Variants in VWA8 observed in about 807,000 individuals in gnomAD.
The protein encoded by VWA8 is von Willebrand factor A domain-containing protein 8.
VWA8 carries 221 observed loss-of-function variants against 241.5 expected under a neutral mutation model. That is an observed-to-expected ratio of 0.91 (90% CI 0.82 to 1.02). The LOEUF (loss-of-function observed/expected upper bound fraction) is 1.02, where lower values mean the gene tolerates loss of function less well. VWA8 is among the 50% of genes least tolerant of loss of function. The probability of loss-of-function intolerance (pLI) is 0.00; values close to 1 mark genes in which losing one functional copy is unlikely to be tolerated. For missense variants in VWA8, 2,322 were observed against 2,328.7 expected (o/e 1.00, Z 0.06); for synonymous variants, 852 against 827.1 (o/e 1.03, Z -0.52).
chr13:41,727,563 A>G (rs183091853), intron 23 of VWA8, among the ~76,000 whole-genome samples: 2 of 152,010 alleles, frequency 1.3e-5, no homozygotes, highest in African/African-American at 2.4e-5. Flanking sequence ...GAGTACATCT[A>G]AAAAAAAGCA....
chr13:41,759,510 C>G (rs2045724496), intron 21 of VWA8, among the ~76,000 whole-genome samples: 1 of 151,376 alleles, frequency 6.6e-6, no homozygotes, highest in Non-Finnish European at 1.5e-5. Flanking sequence ...AAATATTTTT[C>G]TGTCCCATTT....
At chr13:41,886,062 T>C (rs1351151781) in intron 7 of VWA8, 34 bp from the exon 8 acceptor site, 1 of 1,390,736 alleles carries the variant, frequency 7.2e-7, no homozygotes, top group East Asian at 2.5e-5. Flanking sequence ...TTTAATAGTT[T>C]TAAAATATAA....
At position 41,783,847 on chromosome 13, in the gene VWA8, T is replaced by G; in HGVS notation, c.2225A>C (p.Asn742Thr). 1 of 1,613,800 alleles carries G rather than the reference T, an allele frequency of 6.2e-7. No individual in the cohort carries two copies. Among genetic ancestry groups the G allele is most frequent in the Non-Finnish European group, 8.5e-7 (1 of 1,179,936 alleles). ...RIGAVSAPIYNAHEKMKVPDV... is the reference protein window; with the variant it reads ...RIGAVSAPIYTAHEKMKVPDV... ...AGGCACTTTCATTTTCTCATGTGCATTATAGATCGGTGCACTAACAGCACC... is the reference window on the plus strand; with the variant it reads ...AGGCACTTTCATTTTCTCATGTGCAGTATAGATCGGTGCACTAACAGCACC... Residue 742 changes from asparagine to threonine, a missense_variant, in exon 19 of 45, where the codon AAT becomes ACT. Coordinates refer to ENST00000379310, the MANE Select transcript of VWA8 (RefSeq NM_015058.2).
chr13:41,649,729 T>C (rs1201993517), intron 37 of VWA8, among the ~76,000 whole-genome samples: 1 of 152,156 alleles, frequency 6.6e-6, no homozygotes, highest in Non-Finnish European at 1.5e-5. Context: ...TATCTGGTAA[T>C]GGTGAAACAG....
At chr13:41,642,976 T>C (rs573878950) in intron 37 of VWA8, among the ~76,000 whole-genome samples, 2 of 152,150 alleles carry the variant, frequency 1.3e-5, no homozygotes, top group Non-Finnish European at 2.9e-5. Context: ...AAGTAACAGA[T>C]AAATTTTCTG....
rs368043801 is a variant in VWA8, at chr13:41,719,631, G to A, written c.3076C>T (p.Pro1026Ser). Residue 1026 changes from proline (P) to serine (S), a missense_variant, in exon 26 of 45, where the codon CCT (proline) becomes TCT (serine). Coordinates refer to ENST00000379310, the MANE Select transcript of VWA8 (RefSeq NM_015058.2). ...ACACTGGTAGGCTTTGCTCCGATAG[G>A]TATCCCGTATTTGTGTAAAGTGTTA... Reference protein sequence around the residue: ...LINTLHKYGIPIGAKPTSVQL... With the variant: ...LINTLHKYGISIGAKPTSVQL... 8.1e-6 allele frequency: 13 copies of A among 1,613,028 alleles called. No individual in the cohort carries two copies. In the Middle Eastern group the frequency reaches 1.3e-3, roughly 164 times the overall value.
intron 12 of VWA8, among the ~76,000 whole-genome samples, chr13:41,841,526 C>T (rs1443072679): frequency 2.0e-5 from 3 of 151,864 alleles, no homozygotes; most frequent in African/African-American, 7.2e-5. Flanking sequence ...GTGGCTCACG[C>T]CTGTAATCCC....
intron 21 of VWA8, among the ~76,000 whole-genome samples, chr13:41,753,840 A>G (rs572099786): frequency 6.6e-6 from 1 of 152,074 alleles, no homozygotes; most frequent in Non-Finnish European, 1.5e-5. Context: ...GGAATCTAAA[A>G]TAAACAAAGT....
intron 39 of VWA8, 70 bp from the exon 40 acceptor site, chr13:41,605,346 C>T (rs1452052742): frequency 4.1e-6 from 6 of 1,472,412 alleles, no homozygotes; most frequent in Non-Finnish European, 5.6e-6. Context: ...TTCCATTCGC[C>T]TCCTGCTGGA....
chr13:41,872,932 C>G (rs1274062504), intron 9 of VWA8, among the ~76,000 whole-genome samples: 1 of 152,040 alleles, frequency 6.6e-6, no homozygotes, highest in Non-Finnish European at 1.5e-5. Flanking sequence ...ATTCTTCCTA[C>G]CCATGAGCAT....
At chr13:41,579,999 G>A (rs545767787) in intron 42 of VWA8, among the ~76,000 whole-genome samples, 3 of 151,556 alleles carry the variant, frequency 2.0e-5, no homozygotes, top group South Asian at 2.1e-4. Flanking sequence ...GGCATGCGCC[G>A]CCACACCTGG....
rs571920760 is a variant in VWA8, at chr13:41,692,915, G to A, written c.3622C>T (p.Pro1208Ser). ...TGRALHRLIL[P>S]SEKFTSKKPF... ...TTCTTAGATGTAAACTTCTCGGAAG[G>A]GAGGATGAGACGATGAAGGGCCCGG... The change falls in exon 30 of 45, where the codon CCT becomes TCT. Residue 1208 changes from proline (P) to serine (S), a missense_variant. Pro to Ser is a moderately conservative substitution (Grantham distance 74). Coordinates refer to ENST00000379310, the MANE Select transcript of VWA8 (RefSeq NM_015058.2). 6 of 1,611,468 alleles carry A rather than the reference G, an allele frequency of 3.7e-6. No individual in the cohort carries two copies. Among genetic ancestry groups the A allele is most frequent in the South Asian group, 3.3e-5 (3 of 90,944 alleles).
At chr13:41,851,141 C>T (rs962869052) in intron 12 of VWA8, among the ~76,000 whole-genome samples, 7 of 152,100 alleles carry the variant, frequency 4.6e-5, no homozygotes, top group Non-Finnish European at 1.0e-4. Flanking sequence ...TTAACTGAAA[C>T]TTTGTACCCT....
At chr13:41,577,233 T>C (rs1248523407) in intron 42 of VWA8, among the ~76,000 whole-genome samples, 1 of 151,906 alleles carries the variant, frequency 6.6e-6, no homozygotes. Flanking sequence ...GGGCCATGGG[T>C]GGGGGTGAGA....
chr13:41,794,016 A>T (rs1422818235), intron 17 of VWA8, among the ~76,000 whole-genome samples: 3 of 151,206 alleles, frequency 2.0e-5, no homozygotes, highest in Non-Finnish European at 4.4e-5. Context: ...TTCTTGTACT[A>T]GCACTGTGTT....
At chr13:41,883,997 T>C (rs1391299638) in intron 8 of VWA8, among the ~76,000 whole-genome samples, 2 of 152,208 alleles carry the variant, frequency 1.3e-5, no homozygotes, top group Non-Finnish European at 2.9e-5. Flanking sequence ...GTCAATTCTG[T>C]TCACCCCACT....
intron 17 of VWA8, among the ~76,000 whole-genome samples, chr13:41,789,712 C>T (rs1292845346): frequency 2.0e-5 from 3 of 151,964 alleles, no homozygotes; most frequent in Admixed American, 2.0e-4. Flanking sequence ...ACATCACCAG[C>T]GCTAGGAAGG....
intron 37 of VWA8, among the ~76,000 whole-genome samples, chr13:41,635,526 C>A (rs536977501): frequency 3.9e-5 from 6 of 152,288 alleles, no homozygotes; most frequent in African/African-American, 1.4e-4. Context: ...TGCACACCTG[C>A]CTGTAGTTTA....
intron 20 of VWA8, among the ~76,000 whole-genome samples, chr13:41,774,175 T>C (rs1475751049): frequency 2.0e-5 from 3 of 152,230 alleles, no homozygotes; most frequent in African/African-American, 7.2e-5. Flanking sequence ...AGTCTCGCTC[T>C]ATCTCCCAGG....
Sources: gnomAD v4.1 joint callset for allele counts (sites outside exome capture counted in the v4.1 genomes callset) on GRCh38, gnomAD v4.1.1 for gene constraint, MANE v1.5 for transcripts, NCBI Gene and HGNC (gene_info 2026-07-23, HGNC 2026-07-21) for gene names.